Variants in PLD5 observed in about 807,000 individuals in gnomAD.
PLD5 encodes inactive phospholipase D5.
A neutral mutation model predicts 61.1 loss-of-function variants in PLD5; 36 were observed. The observed-to-expected ratio is 0.59, with a 90% CI of 0.45 to 0.78. The LOEUF is 0.78. Ranked by LOEUF, PLD5 falls within the 30% of genes least tolerant of loss-of-function variation. PLD5 has a pLI of 0.00. For missense variants in PLD5, 515 were observed against 644.4 expected (o/e 0.80, Z 2.17); for synonymous variants, 243 against 242.8 (o/e 1.00, Z -0.01).
intron 6 of PLD5, among the ~76,000 whole-genome samples, chr1:242,122,471 A>C (rs1002417868): frequency 1.3e-5 from 2 of 152,188 alleles, no homozygotes; most frequent in African/African-American, 4.8e-5. Flanking sequence ...CAAGCGATCC[A>C]CGCTTGGCAT....
rs577995429 is a variant in PLD5 at position 242,309,618 on chromosome 1, C to T, written c.327-21088G>A. Among the ~76,000 whole-genome samples the T allele has an allele frequency of 7.9e-5, 12 of 151,706 alleles. No homozygotes were observed. In the South Asian group the frequency reaches 2.3e-3, roughly 29 times the overall value. The stretch of plus-strand genomic sequence containing the variant: ...CCAGCTTCTGACCTCAGGTGATCCG[C>T]CCACCTCGGCCTCCCAAAGTGCTGG... On this transcript the variant is annotated intron_variant, in intron 2 of 9. Transcript: ENST00000536534.
At chr1:242,257,778 AT>A (rs999739694) in intron 4 of PLD5, among the ~76,000 whole-genome samples, 35 of 150,674 alleles carry the variant, frequency 2.3e-4, no homozygotes, top group African/African-American at 8.0e-4. Flanking sequence ...TAAAAGATTT[AT>A]TTTTTTTTTA....
chr1:242,448,173 C>G (rs1666626003), intron 1 of PLD5, among the ~76,000 whole-genome samples: 1 of 152,150 alleles, frequency 6.6e-6, no homozygotes, highest in Non-Finnish European at 1.5e-5. Flanking sequence ...AAAAATCTGA[C>G]CTTTGTCTTG....
intron 5 of PLD5, among the ~76,000 whole-genome samples, chr1:242,131,428 A>T (rs966443522): frequency 6.6e-6 from 1 of 152,098 alleles, no homozygotes; most frequent in Admixed American, 6.5e-5. Flanking sequence ...ATCCAAGGAG[A>T]TGTTAGTTGT....
At chr1:242,371,978 T>C (rs1393514485) in intron 1 of PLD5, among the ~76,000 whole-genome samples, 1 of 152,060 alleles carries the variant, frequency 6.6e-6, no homozygotes, top group Admixed American at 6.6e-5. Flanking sequence ...CAACCCGTCA[T>C]CTATATTAAG....
chr1:242,334,113 C>G (rs1659361174), intron 2 of PLD5, among the ~76,000 whole-genome samples: 1 of 152,120 alleles, frequency 6.6e-6, no homozygotes, highest in African/African-American at 2.4e-5. Flanking sequence ...CTAATCTACA[C>G]TCCCACCAAC....
chr1:242,494,099 T>C (rs996185226), intron 1 of PLD5, among the ~76,000 whole-genome samples: 7 of 44,316 alleles, frequency 1.6e-4, no homozygotes, highest in South Asian at 8.9e-4. Flanking sequence ...CCTTCCCCTC[T>C]CCTCCCCTCT....
rs752237298 is a variant in PLD5, at chr1:242,324,854, C to G, written c.326+23252G>C. On this transcript the variant is annotated intron_variant, in intron 2 of 9. Transcript: ENST00000536534. Reference sequence around the variant, plus strand: ...CTTGTGGCCACCACCCAGGAACTGACTCAGCCCAAGAGGACAGCTTCAACT... The same window carrying G: ...CTTGTGGCCACCACCCAGGAACTGAGTCAGCCCAAGAGGACAGCTTCAACT... Among the ~76,000 whole-genome samples the G allele has an allele frequency of 6.4e-4, 98 of 152,276 alleles. No homozygotes were observed. In the Middle Eastern group the frequency reaches 0.014, roughly 21 times the overall value.
chr1:242,247,274 G>A (rs367869837), intron 4 of PLD5, among the ~76,000 whole-genome samples: 63 of 152,314 alleles, frequency 4.1e-4, no homozygotes, highest in African/African-American at 1.0e-3. Flanking sequence ...GAGCCACCGC[G>A]CCCGGCCTTA....
chr1:242,094,485 G>A (rs560777790), intron 9 of PLD5, among the ~76,000 whole-genome samples: 4 of 152,080 alleles, frequency 2.6e-5, no homozygotes, highest in Admixed American at 1.3e-4. Flanking sequence ...TCAACTCTGC[G>A]TTCTCAGCAA....
chr1:242,400,458 T>C (rs537062583), intron 1 of PLD5, among the ~76,000 whole-genome samples: 21 of 152,252 alleles, frequency 1.4e-4, no homozygotes, highest in African/African-American at 5.1e-4. Flanking sequence ...GCCTCAATTA[T>C]GCAAAGAGTA....
intron 2 of PLD5, among the ~76,000 whole-genome samples, chr1:242,332,378 T>C (rs1041958266): frequency 3.9e-5 from 6 of 152,182 alleles, no homozygotes; most frequent in African/African-American, 1.4e-4. Flanking sequence ...GAATGATTTA[T>C]AATGCTTTGG....
intron 3 of PLD5, among the ~76,000 whole-genome samples, chr1:242,277,047 G>A (rs182463058): frequency 5.9e-5 from 9 of 152,150 alleles, no homozygotes; most frequent in African/African-American, 1.4e-4. Context: ...GGCTCTCGGC[G>A]GCTGGAATCC....
chr1:242,512,279 G>T (rs1487689307), intron 1 of PLD5, among the ~76,000 whole-genome samples: 2 of 151,796 alleles, frequency 1.3e-5, no homozygotes, highest in Non-Finnish European at 2.9e-5. Flanking sequence ...AATTAGCCAG[G>T]CATGGTGGCG....
At chr1:242,414,894 G>A (rs1572101747) in intron 1 of PLD5, among the ~76,000 whole-genome samples, 2 of 151,998 alleles carry the variant, frequency 1.3e-5, no homozygotes, top group South Asian at 2.1e-4. Context: ...TGAAGGGGTT[G>A]GTAAAATAGA....
intron 5 of PLD5, among the ~76,000 whole-genome samples, chr1:242,145,956 G>A (rs188902317): frequency 2.7e-4 from 41 of 152,308 alleles, no homozygotes; most frequent in Admixed American, 1.5e-3. Context: ...GATTACAGGC[G>A]TGAGCCACCA....
intron 1 of PLD5, among the ~76,000 whole-genome samples, chr1:242,431,775 G>C (rs1665731852): frequency 6.6e-6 from 1 of 152,190 alleles, no homozygotes. Context: ...GACTCCAAAA[G>C]CTCTAGAAAA....
chr1:242,511,864 G>A (rs1358673883), intron 1 of PLD5, among the ~76,000 whole-genome samples: 1 of 152,196 alleles, frequency 6.6e-6, no homozygotes, highest in African/African-American at 2.4e-5. Context: ...CAGGAAAAAG[G>A]TGTATAGGAG....
intron 4 of PLD5, among the ~76,000 whole-genome samples, chr1:242,230,447 C>G (rs1004893054): frequency 6.6e-6 from 1 of 152,122 alleles, no homozygotes; most frequent in African/African-American, 2.4e-5. Context: ...AGAAATTTAT[C>G]TTATCCATCA....
Sources: allele counts gnomAD v4.1 joint callset (sites outside exome capture counted in the v4.1 genomes callset), GRCh38; gene constraint gnomAD v4.1.1; transcripts MANE v1.5; gene names NCBI Gene and HGNC (gene_info 2026-07-23, HGNC 2026-07-21).